Variants in CACNA2D1 observed in about 807,000 individuals in gnomAD.
CACNA2D1 encodes calcium voltage-gated channel auxiliary subunit alpha2delta 1, also known as voltage-dependent calcium channel subunit alpha-2/delta-1.
Under a neutral mutation model 171.5 loss-of-function variants are expected in CACNA2D1, and 53 were observed. That is an observed-to-expected ratio of 0.31 (90% CI 0.25 to 0.39). The LOEUF (loss-of-function observed/expected upper bound fraction) is 0.39. Ranked by LOEUF, CACNA2D1 falls within the 10% of genes least tolerant of loss-of-function variation. The pLI, the probability that CACNA2D1 is intolerant of heterozygous loss-of-function variation, is 1.00. For synonymous variants in CACNA2D1, 442 were observed against 443.1 expected, an observed-to-expected ratio of 1.00 and a Z score of 0.03; for missense variants, 903 against 1,299.8, an observed-to-expected ratio of 0.69 and a Z score of 4.69.
At chr7:82,428,842 C>G (rs974068843) in intron 1 of CACNA2D1, among the ~76,000 whole-genome samples, 21 of 152,168 alleles carry the variant, frequency 1.4e-4, no homozygotes, top group African/African-American at 4.8e-4. Context: ...ACTCAAAATC[C>G]TGAATATTCC....
At chr7:81,965,352 T>C (rs1174151414) in intron 32 of CACNA2D1, among the ~76,000 whole-genome samples, 1 of 151,936 alleles carries the variant, frequency 6.6e-6, no homozygotes, top group South Asian at 2.1e-4. Context: ...GTTCATGTCA[T>C]GCTAAAATCC....
rs575693972 is a variant in CACNA2D1, at chr7:82,235,235, C to T, written c.295-64626G>A. On this transcript the variant is annotated intron_variant, in intron 3 of 38. Coordinates refer to ENST00000356860, the MANE Select transcript of CACNA2D1 (RefSeq NM_000722.4). ...GTTCAAATATTCTCTCTGGTACATT[C>T]GGCAAAATAAACTCCTCTCTGCAGA... Among the ~76,000 whole-genome samples the T allele has an allele frequency of 1.6e-3, 241 of 152,092 alleles. 4 individuals are homozygous for T. Among genetic ancestry groups the T allele is most frequent in the African/African-American group, 5.5e-3 (227 of 41,512 alleles).
intron 1 of CACNA2D1, among the ~76,000 whole-genome samples, chr7:82,412,332 GAGTGCAA>G (rs1477384354): frequency 2.0e-5 from 3 of 148,822 alleles, no homozygotes; most frequent in African/African-American, 7.5e-5. Context: ...ACCCAGGCTG[GAGTGCAA>G]AGACACAACC....
chr7:82,382,132 A>G (rs1192024645), intron 1 of CACNA2D1, among the ~76,000 whole-genome samples: 1 of 152,230 alleles, frequency 6.6e-6, no homozygotes, highest in African/African-American at 2.4e-5. Context: ...TTCAAATTGA[A>G]GCAGGGTTAC....
At chr7:82,054,201 A>C (rs1202732618) in intron 10 of CACNA2D1, among the ~76,000 whole-genome samples, 1 of 152,212 alleles carries the variant, frequency 6.6e-6, no homozygotes, top group Non-Finnish European at 1.5e-5. Flanking sequence ...AGCTTGCTTA[A>C]TCAGAAATCA....
chr7:82,194,167 A>T (rs1798619242), intron 3 of CACNA2D1, among the ~76,000 whole-genome samples: 1 of 152,056 alleles, frequency 6.6e-6, no homozygotes, highest in South Asian at 2.1e-4. Context: ...TGAGCCAGTG[A>T]CAGAGTGTGA....
chr7:82,182,562 G>C (rs34675279), intron 3 of CACNA2D1, among the ~76,000 whole-genome samples: 2 of 147,410 alleles, frequency 1.4e-5, no homozygotes, highest in Non-Finnish European at 3.0e-5. Context: ...TTTTTTCTGC[G>C]TTTTTTTTTT....
intron 2 of CACNA2D1, among the ~76,000 whole-genome samples, chr7:82,347,272 T>C (rs1256185584): frequency 1.3e-5 from 2 of 152,126 alleles, no homozygotes; most frequent in Non-Finnish European, 2.9e-5. Flanking sequence ...AAAAATATAT[T>C]ACTATTTTAT....
chr7:82,393,977 G>C (rs1235724573), intron 1 of CACNA2D1, among the ~76,000 whole-genome samples: 1 of 152,166 alleles, frequency 6.6e-6, no homozygotes, highest in Non-Finnish European at 1.5e-5. Flanking sequence ...GGAGTGAGAA[G>C]AGGCAAAGAA....
intron 1 of CACNA2D1, among the ~76,000 whole-genome samples, chr7:82,365,433 AT>A (rs1461066421): frequency 6.6e-6 from 1 of 152,190 alleles, no homozygotes; most frequent in African/African-American, 2.4e-5. Flanking sequence ...TTATAAGACT[AT>A]TTTTATTCAG....
intron 28 of CACNA2D1, 106 bp downstream of exon 28, chr7:81,969,775 T>G: frequency 2.8e-6 from 2 of 713,062 alleles, no homozygotes; most frequent in Non-Finnish European, 5.1e-6. Flanking sequence ...TGATGACTAT[T>G]CTGAGTAGTT....
At position 82,349,674 on chromosome 7, in the gene CACNA2D1, T is replaced by G. The variant is rs374153020; in HGVS notation, c.96-25A>C. On this transcript the variant is annotated intron_variant, in intron 1 of 38. Coordinates refer to ENST00000356860, the MANE Select transcript of CACNA2D1 (RefSeq NM_000722.4). ...ACTGCAGAAATCAGAAAAGATTATG[T>G]TCTATCAGATCTCTGGCAAATAAAA... The G allele has an allele frequency of 3.2e-6, 5 of 1,543,206 alleles. No individual in the cohort carries two copies. In the African/African-American group the frequency reaches 6.8e-5, roughly 21 times the overall value.
At chr7:82,345,650 C>T (rs1819156917) in intron 2 of CACNA2D1, among the ~76,000 whole-genome samples, 1 of 149,750 alleles carries the variant, frequency 6.7e-6, no homozygotes, top group African/African-American at 2.5e-5. Context: ...TGATGATCAG[C>T]CTTGCCATTT....
rs371169511 is a variant in CACNA2D1, at chr7:82,128,059, G to A, written c.396+8576C>T. Among the ~76,000 whole-genome samples the A allele has an allele frequency of 1.6e-4, 24 of 151,862 alleles. No homozygotes were observed. In the South Asian group the frequency reaches 4.4e-3, roughly 28 times the overall value. ...CCACCTCAGCCTCCCAAGTAGCTGGGACTACAGGTGCACCCCACCATGCCC... is the reference window on the plus strand; with the variant it reads ...CCACCTCAGCCTCCCAAGTAGCTGGAACTACAGGTGCACCCCACCATGCCC... On this transcript the variant is annotated intron_variant, in intron 5 of 38. Transcript: ENST00000356860.
chr7:82,352,241 C>A (rs1327558096), intron 1 of CACNA2D1, among the ~76,000 whole-genome samples: 1 of 152,038 alleles, frequency 6.6e-6, no homozygotes, highest in Non-Finnish European at 1.5e-5. Context: ...AGGCACTCTG[C>A]CTTTCAACCT....
chr7:82,435,033 T>TG (rs1317221838), intron 1 of CACNA2D1, among the ~76,000 whole-genome samples: 1 of 140,222 alleles, frequency 7.1e-6, no homozygotes, highest in Non-Finnish European at 1.6e-5. Context: ...TCAGATACTT[T>TG]TTTTTTTTTT....
intron 24 of CACNA2D1, among the ~76,000 whole-genome samples, chr7:81,977,748 A>G (rs954583235): frequency 5.3e-5 from 8 of 152,226 alleles, no homozygotes; most frequent in Admixed American, 3.3e-4. Context: ...ATGGTATCTA[A>G]TTAAACTAAA....
intron 38 of CACNA2D1, among the ~76,000 whole-genome samples, chr7:81,950,881 G>T (rs777143852): frequency 2.6e-5 from 4 of 151,958 alleles, no homozygotes; most frequent in Non-Finnish European, 5.9e-5. Context: ...TAATTCCCAA[G>T]AATTATGATT....
At chr7:82,358,543 C>A (rs1219815538) in intron 1 of CACNA2D1, among the ~76,000 whole-genome samples, 2 of 152,056 alleles carry the variant, frequency 1.3e-5, no homozygotes, top group Non-Finnish European at 2.9e-5. Context: ...CTAGAGTAAT[C>A]CTGTAAGAAA....
Sources: gnomAD v4.1 joint callset for allele counts (sites outside exome capture counted in the v4.1 genomes callset) on GRCh38, gnomAD v4.1.1 for gene constraint, MANE v1.5 for transcripts, NCBI Gene and HGNC (gene_info 2026-07-23, HGNC 2026-07-21) for gene names.